Variants in CPNE4 observed in about 807,000 individuals in gnomAD.
CPNE4 encodes copine-4.
Under a neutral mutation model 67.9 loss-of-function variants are expected in CPNE4, and 25 were observed. The observed-to-expected ratio is 0.37, with a 90% CI of 0.27 to 0.51. CPNE4 has a LOEUF of 0.51. Among genes scored for constraint, CPNE4 ranks in the 20% least tolerant of loss-of-function variants. CPNE4 has a pLI of 0.93. For missense variants in CPNE4, 464 were observed against 690.8 expected, an observed-to-expected ratio of 0.67 and a Z score of 3.68; for synonymous variants, 242 against 244.9, an observed-to-expected ratio of 0.99 and a Z score of 0.11.
chr3:131,792,604 T>G (rs538545260), intron 2 of CPNE4, among the ~76,000 whole-genome samples: 1 of 101,628 alleles, frequency 9.8e-6, no homozygotes, highest in Admixed American at 1.0e-4. Context: ...TATGTATATG[T>G]GTGTGTGTAT....
At position 131,915,224 on chromosome 3, in the gene CPNE4, T is replaced by C. The variant is rs2107797151; in HGVS notation, c.-1-9780A>G. On this transcript the variant is annotated intron_variant, in intron 1 of 15. Transcript: ENST00000429747. ...TGACCAATTCTTATAAGATGATTTG[T>C]AATTTGCTTAACAATTACTTTCTTT... Among the ~76,000 whole-genome samples the C allele has an allele frequency of 1.3e-5, 2 of 152,334 alleles. 1 individual carries two copies. The highest frequency in any genetic ancestry group is 4.1e-4 in the South Asian group (2 of 4,828).
chr3:131,666,170 T>C (rs1294403820), intron 7 of CPNE4, among the ~76,000 whole-genome samples: 1 of 152,090 alleles, frequency 6.6e-6, no homozygotes, highest in Non-Finnish European at 1.5e-5. Context: ...AGGTAAAAGG[T>C]AGAAGAGACA....
intron 7 of CPNE4, among the ~76,000 whole-genome samples, chr3:131,632,421 T>G (rs2079254137): frequency 6.6e-6 from 1 of 152,144 alleles, no homozygotes; most frequent in Admixed American, 6.5e-5. Context: ...AGTCACTCAG[T>G]CAGTAAGTAA....
intron 2 of CPNE4, among the ~76,000 whole-genome samples, chr3:131,733,662 G>A (rs145856360): frequency 1.1e-4 from 16 of 152,254 alleles, no homozygotes; most frequent in East Asian, 7.7e-4. Flanking sequence ...GCAGTCACTC[G>A]AACTTGCAGT....
intron 7 of CPNE4, among the ~76,000 whole-genome samples, chr3:131,634,687 A>T (rs2079328823): frequency 6.6e-6 from 1 of 152,266 alleles, no homozygotes; most frequent in East Asian, 1.9e-4. Context: ...TGGAAAGGAG[A>T]TGAGAGGATA....
At chr3:131,924,106 G>T (rs1303834640) in intron 1 of CPNE4, among the ~76,000 whole-genome samples, 1 of 152,148 alleles carries the variant, frequency 6.6e-6, no homozygotes, top group Non-Finnish European at 1.5e-5. Flanking sequence ...GTCCCCTGGG[G>T]ACTCATCAAG....
chr3:131,645,319 C>T (rs746452275), intron 7 of CPNE4, among the ~76,000 whole-genome samples: 2 of 152,110 alleles, frequency 1.3e-5, no homozygotes, highest in South Asian at 4.1e-4. Flanking sequence ...AACACTGACT[C>T]TCTGCAGGAG....
chr3:131,565,506 G>T (rs1028462763), intron 10 of CPNE4, among the ~76,000 whole-genome samples: 1 of 152,002 alleles, frequency 6.6e-6, no homozygotes, highest in Non-Finnish European at 1.5e-5. Flanking sequence ...CACATGCCAC[G>T]TGTGTGTTTG....
At chr3:131,766,881 C>A (rs771962473) in intron 2 of CPNE4, among the ~76,000 whole-genome samples, 2 of 152,112 alleles carry the variant, frequency 1.3e-5, no homozygotes, top group Non-Finnish European at 2.9e-5. Flanking sequence ...TCATCCTGAA[C>A]ATCTGCTAAT....
At chr3:131,641,746 A>G (rs995218702) in intron 7 of CPNE4, among the ~76,000 whole-genome samples, 5 of 152,226 alleles carry the variant, frequency 3.3e-5, no homozygotes, top group Admixed American at 2.6e-4. Context: ...TTGCAAAAAT[A>G]TGGAACCAGC....
At chr3:131,633,772 A>T (rs55809229) in intron 7 of CPNE4, among the ~76,000 whole-genome samples, 40,319 of 150,816 alleles carry the variant, frequency 0.27, 8,532 homozygotes, top group African/African-American at 0.6. Context: ...TTTTATTTTT[A>T]AAAAAAAGAA....
At chr3:131,851,607 G>A (rs962830394) in intron 2 of CPNE4, among the ~76,000 whole-genome samples, 3 of 152,040 alleles carry the variant, frequency 2.0e-5, no homozygotes, top group Admixed American at 2.0e-4. Flanking sequence ...TGATGATAGC[G>A]ATGGAGAACA....
intron 7 of CPNE4, among the ~76,000 whole-genome samples, chr3:131,598,742 T>G (rs1442053972): frequency 2.0e-5 from 3 of 152,192 alleles, no homozygotes; most frequent in African/African-American, 4.8e-5. Context: ...CCTTTTTCCT[T>G]CTTTTGTTTT....
intron 3 of CPNE4, among the ~76,000 whole-genome samples, chr3:131,714,025 C>T (rs928378163): frequency 3.3e-5 from 5 of 152,124 alleles, no homozygotes; most frequent in Non-Finnish European, 7.3e-5. Flanking sequence ...AAAGTAAGGG[C>T]AAGCTTTGCA....
intron 2 of CPNE4, among the ~76,000 whole-genome samples, chr3:131,830,533 TTCCTC>T (rs1442552873): frequency 6.6e-6 from 1 of 152,126 alleles, no homozygotes; most frequent in African/African-American, 2.4e-5. Flanking sequence ...TGCTTGTACT[TTCCTC>T]TACCTACTCT....
intron 2 of CPNE4, among the ~76,000 whole-genome samples, chr3:131,768,744 G>A (rs1433885213): frequency 6.6e-6 from 1 of 152,004 alleles, no homozygotes; most frequent in Non-Finnish European, 1.5e-5. Context: ...CAAACTCAAT[G>A]CCACACTTCC....
intron 1 of CPNE4, among the ~76,000 whole-genome samples, chr3:131,961,485 G>A (rs544353575): frequency 6.0e-4 from 92 of 152,278 alleles, no homozygotes; most frequent in African/African-American, 2.1e-3. Context: ...TAGGAATTGA[G>A]CCACACACAG....
At chr3:132,037,806 A>C (rs2074364429), upstream of CPNE4, 8 of 556,348 alleles carry the variant, frequency 1.4e-5, 1 homozygote, top group South Asian at 1.9e-4. Context: ...TCCTGGAATG[A>C]AGCCAGGGAA....
At chr3:131,637,410 C>T (rs1286857519) in intron 7 of CPNE4, among the ~76,000 whole-genome samples, 2 of 152,172 alleles carry the variant, frequency 1.3e-5, no homozygotes, top group African/African-American at 2.4e-5. Flanking sequence ...TGGTAAGTCT[C>T]AGCAATAGAA....
Sources: gnomAD v4.1 joint callset for allele counts (sites outside exome capture counted in the v4.1 genomes callset) on GRCh38, gnomAD v4.1.1 for gene constraint, MANE v1.5 for transcripts, NCBI Gene and HGNC (gene_info 2026-07-23, HGNC 2026-07-21) for gene names.